LINGO2: variants seen among roughly 807,000 people sequenced by gnomAD.
LINGO2 encodes the protein leucine-rich repeat and immunoglobulin-like domain-containing nogo receptor-interacting protein 2.
A neutral mutation model predicts 30.6 loss-of-function variants in LINGO2; 14 were observed. The ratio of observed to expected loss-of-function variants is 0.46; its 90% CI spans 0.30 to 0.72. LINGO2 has a LOEUF of 0.72. Among genes scored for constraint, LINGO2 ranks in the 30% least tolerant of loss-of-function variants. The pLI, the probability that LINGO2 is intolerant of heterozygous loss-of-function variation, is 0.07. For missense variants in LINGO2, 729 were observed against 751.7 expected (o/e 0.97, Z 0.35); for synonymous variants, 317 against 288.5 (o/e 1.10, Z -1.00).
chr9:29,131,397 C>T, the LINGO2 span, among the ~76,000 whole-genome samples: 2 of 152,052 alleles, frequency 1.3e-5, no homozygotes, highest in Non-Finnish European at 2.9e-5. Flanking sequence ...ACAAAGACTG[C>T]TAAGTACCAC....
chr9:28,613,264 A>G (rs1392865780), intron 1 of LINGO2, among the ~76,000 whole-genome samples: 2 of 152,046 alleles, frequency 1.3e-5, no homozygotes, highest in African/African-American at 4.8e-5. Context: ...TGTGATAAAT[A>G]TGTATCATAT....
At chr9:28,889,356 C>T in the LINGO2 span, among the ~76,000 whole-genome samples, 4 of 151,998 alleles carry the variant, frequency 2.6e-5, no homozygotes, top group East Asian at 1.9e-4. Context: ...AAGGGAACTA[C>T]GAGATCAGAA....
the LINGO2 span, among the ~76,000 whole-genome samples, chr9:28,734,074 C>CTA: frequency 1.3e-5 from 2 of 151,866 alleles, no homozygotes; most frequent in African/African-American, 4.8e-5. Context: ...TTCTCTCTCT[C>CTA]TATATATATA....
intron 1 of LINGO2, among the ~76,000 whole-genome samples, chr9:28,628,583 T>C (rs550292441): frequency 2.0e-5 from 3 of 152,146 alleles, no homozygotes; most frequent in African/African-American, 4.8e-5. Context: ...AAGAGGGAGA[T>C]AGGAATTCAA....
At chr9:28,818,851 T>C in the LINGO2 span, among the ~76,000 whole-genome samples, 4 of 152,126 alleles carry the variant, frequency 2.6e-5, no homozygotes, top group Admixed American at 1.3e-4. Flanking sequence ...GTGTAAACTA[T>C]TAACAAACTA....
the LINGO2 span, among the ~76,000 whole-genome samples, chr9:29,089,967 A>C: frequency 6.6e-6 from 1 of 152,114 alleles, no homozygotes; most frequent in African/African-American, 2.4e-5. Context: ...TTGTTGAATA[A>C]ATAGTTAATA....
the LINGO2 span, among the ~76,000 whole-genome samples, chr9:28,764,186 A>G: frequency 6.6e-6 from 1 of 151,812 alleles, no homozygotes; most frequent in Admixed American, 6.6e-5. Flanking sequence ...GGGCAGCATA[A>G]TTCTGATATC....
intron 4 of LINGO2, among the ~76,000 whole-genome samples, chr9:28,222,545 G>T (rs918289034): frequency 6.6e-6 from 1 of 151,596 alleles, no homozygotes; most frequent in Non-Finnish European, 1.5e-5. Flanking sequence ...AAAAAAGTCA[G>T]CATTACCTTA....
intron 4 of LINGO2, among the ~76,000 whole-genome samples, chr9:28,234,344 C>A (rs1383527470): frequency 6.6e-6 from 1 of 152,106 alleles, no homozygotes; most frequent in Non-Finnish European, 1.5e-5. Flanking sequence ...GCAGAAGCTT[C>A]TTTGACTATG....
At chr9:28,045,470 T>TA (rs1186160705) in intron 4 of LINGO2, among the ~76,000 whole-genome samples, 1 of 152,198 alleles carries the variant, frequency 6.6e-6, no homozygotes, top group African/African-American at 2.4e-5. Context: ...AATTTGACTC[T>TA]AATGCACAAT....
At chr9:28,269,825 T>C (rs13292564) in intron 4 of LINGO2, among the ~76,000 whole-genome samples, 25,383 of 152,072 alleles carry the variant, frequency 0.17, 2,846 homozygotes, top group Non-Finnish European at 0.24. Flanking sequence ...TAAGTACTGA[T>C]TGTCTAACAG....
the LINGO2 span, among the ~76,000 whole-genome samples, chr9:28,850,348 G>C: frequency 6.6e-6 from 1 of 151,932 alleles, no homozygotes. Flanking sequence ...TGAGTCGAGA[G>C]TGAGAAATGC....
At chr9:28,451,900 T>A (rs924763597) in intron 2 of LINGO2, among the ~76,000 whole-genome samples, 6 of 151,726 alleles carry the variant, frequency 4.0e-5, no homozygotes, top group African/African-American at 9.7e-5. Context: ...TTATCAATAT[T>A]AAGTACTGTA....
chr9:28,336,791 CA>C (rs1554707371), intron 3 of LINGO2, among the ~76,000 whole-genome samples: 14 of 139,482 alleles, frequency 1.0e-4, no homozygotes, highest in African/African-American at 1.5e-4. Context: ...CAAATTGTGG[CA>C]AAAAAAAACC....
chr9:28,374,242 A>G (rs1031362916), intron 2 of LINGO2, among the ~76,000 whole-genome samples: 1 of 148,628 alleles, frequency 6.7e-6, no homozygotes, highest in African/African-American at 2.5e-5. Context: ...GTAATATCCA[A>G]TTGTGCATAG....
the LINGO2 span, among the ~76,000 whole-genome samples, chr9:28,692,784 C>G: frequency 6.6e-6 from 1 of 152,072 alleles, no homozygotes; most frequent in East Asian, 1.9e-4. Flanking sequence ...GAGTTTCCAT[C>G]TTAGTCACAA....
chr9:28,992,343 C>G, the LINGO2 span, among the ~76,000 whole-genome samples: 3 of 152,100 alleles, frequency 2.0e-5, no homozygotes, highest in African/African-American at 7.2e-5. Flanking sequence ...GCACCCAATA[C>G]GGGAGCACCC....
At chr9:28,877,725 G>A in the LINGO2 span, among the ~76,000 whole-genome samples, 1 of 152,090 alleles carries the variant, frequency 6.6e-6, no homozygotes, top group African/African-American at 2.4e-5. Context: ...GGATTGACTT[G>A]GCAATGCAGG....
At chr9:28,963,024 C>T in the LINGO2 span, among the ~76,000 whole-genome samples, 1 of 151,868 alleles carries the variant, frequency 6.6e-6, no homozygotes, top group African/African-American at 2.4e-5. Flanking sequence ...TATATTGTCT[C>T]TAAGTAAGAT....
Sources: gnomAD v4.1 joint callset for allele counts (sites outside exome capture counted in the v4.1 genomes callset) on GRCh38, gnomAD v4.1.1 for gene constraint, MANE v1.5 for transcripts, NCBI Gene and HGNC (gene_info 2026-07-23, HGNC 2026-07-21) for gene names.